The following ZNF618 variants were observed in gnomAD, a reference collection of about 807,000 sequenced individuals.
ZNF618 encodes the protein neural precursor cell expressed, developmentally down-regulated 10.
ZNF618 carries 34 observed loss-of-function variants against 103.0 expected under a neutral mutation model. The ratio of observed to expected loss-of-function variants is 0.33; its 90% confidence interval spans 0.25 to 0.44. The LOEUF (loss-of-function observed/expected upper bound fraction) is 0.44. ZNF618 is among the 20% of genes least tolerant of loss of function. The pLI, the probability that ZNF618 is intolerant of heterozygous loss-of-function variation, is 1.00. For synonymous variants in ZNF618, 551 were observed against 542.2 expected (o/e 1.02, Z -0.23); for missense variants, 1,059 against 1,295.4 (o/e 0.82, Z 2.80).
At chr9:113,969,071 C>G in intron 1 of ZNF618, 46 bp from the exon 2 acceptor site, 1 of 1,611,370 alleles carries the variant, frequency 6.2e-7, no homozygotes, top group Non-Finnish European at 8.5e-7. Flanking sequence ...GTCAAATCTG[C>G]ATCTTCTGCC....
chr9:113,999,831 G>A (rs564126415), intron 4 of ZNF618, among the ~76,000 whole-genome samples: 1 of 152,220 alleles, frequency 6.6e-6, no homozygotes, highest in African/African-American at 2.4e-5. Context: ...CATTGCTGGG[G>A]CCTCAGTGCC....
intron 1 of ZNF618, among the ~76,000 whole-genome samples, chr9:113,951,440 T>TACAC (rs760139132): frequency 0.015 from 430 of 28,986 alleles, 44 homozygotes; most frequent in Non-Finnish European, 0.02. Context: ...TGTATATATA[T>TACAC]ACATATATGT....
At chr9:113,968,954 T>G (rs1465942793) in intron 1 of ZNF618, among the ~76,000 whole-genome samples, 163 bp from the exon 2 acceptor site, 1 of 152,184 alleles carries the variant, frequency 6.6e-6, no homozygotes, top group East Asian at 1.9e-4. Context: ...CTCTTACCAC[T>G]GGGCACAAGT....
chr9:113,997,558 G>A (rs1399750859), intron 3 of ZNF618, among the ~76,000 whole-genome samples: 1 of 152,228 alleles, frequency 6.6e-6, no homozygotes, highest in Non-Finnish European at 1.5e-5. Context: ...CTGGAATTGT[G>A]AGGATGAACT....
At chr9:113,893,377 C>G (rs1033883504) in intron 1 of ZNF618, among the ~76,000 whole-genome samples, 2 of 152,120 alleles carry the variant, frequency 1.3e-5, no homozygotes, top group Non-Finnish European at 2.9e-5. Flanking sequence ...TAGTTGCATG[C>G]TAATATTTGT....
Position 114,032,635 on chromosome 9 carries a change from C to G in ZNF618, c.1085-10C>G. The G allele has an allele frequency of 6.2e-7, 1 of 1,613,624 alleles. No homozygotes were observed. The highest frequency in any genetic ancestry group is 8.5e-7 in the Non-Finnish European group (1 of 1,179,544). On this transcript the variant is annotated splice_polypyrimidine_tract_variant and intron_variant, in intron 11 of 14. Coordinates refer to ENST00000374126, the MANE Select transcript of ZNF618 (RefSeq NM_001318042.2). ...CATTGTTTTCTTTCTCTCTCCTGTC[C>G]CCCACCCAGCAGAAAGCGCTTTCAG... is the stretch of plus-strand genomic sequence containing the variant.
Position 114,049,864 on chromosome 9 carries a change from C to A in ZNF618, c.2562C>A (p.Arg854=), listed in dbSNP as rs756670552. Reference sequence around the variant, plus strand: ...TCGAGCCCGCTGCCAAGAAGCCCCGCTCTGCTGCCGTCGAGAACCCCGCAG... The same window carrying A: ...TCGAGCCCGCTGCCAAGAAGCCCCGATCTGCTGCCGTCGAGAACCCCGCAG... The part of the protein sequence containing the change: ...ADFEPAAKKP[R]SAAVENPAAQ... Residue 854 remains arginine, a synonymous_variant, in exon 15 of 15, where the codon CGC becomes CGA. Transcript: ENST00000374126. The A allele has an allele frequency of 1.2e-6, 2 of 1,613,954 alleles. No homozygotes were observed. The highest frequency in any genetic ancestry group is 2.7e-5 in the African/African-American group (2 of 75,068).
At chr9:114,004,670 T>C (rs1195268651) in intron 6 of ZNF618, among the ~76,000 whole-genome samples, 2 of 152,194 alleles carry the variant, frequency 1.3e-5, no homozygotes, top group African/African-American at 4.8e-5. Context: ...CCTGCAGCCC[T>C]GCCCTGACCC....
At chr9:113,876,440 C>T in intron 1 of ZNF618, 27 bp downstream of exon 1, 5 of 1,199,774 alleles carry the variant, frequency 4.2e-6, no homozygotes, top group East Asian at 3.4e-5. Flanking sequence ...GGGGCATGCA[C>T]CGCGCGGGGG....
Position 114,048,914 on chromosome 9 carries a change from A to T in ZNF618, c.1612A>T (p.Thr538Ser). 1 of 1,608,536 alleles carries T rather than the reference A, an allele frequency of 6.2e-7. No individual in the cohort carries two copies. The highest frequency in any genetic ancestry group is 8.5e-7 in the Non-Finnish European group (1 of 1,177,462). ...RMYNQVKVKV[T>S]CALGSNACLG... is the part of the protein sequence containing the mutation. ...GTACAACCAGGTGAAGGTGAAAGTG[A>T]CCTGTGCCTTGGGCAGCAATGCCTG... Residue 538 changes from threonine (T) to serine (S), a missense_variant, in exon 15 of 15, where the codon ACC becomes TCC. Coordinates refer to ENST00000374126, the MANE Select transcript of ZNF618 (RefSeq NM_001318042.2).
chr9:114,024,370 A>G (rs74835357), intron 10 of ZNF618, among the ~76,000 whole-genome samples: 13,525 of 152,000 alleles, frequency 0.089, 700 homozygotes, highest in African/African-American at 0.14. Flanking sequence ...TCTCTTGATT[A>G]CTGGTCACAT....
In ZNF618 at chr9:114,048,640, T is replaced by C; in HGVS notation, c.1349-11T>C. ...AGAATTAATCCCATCTGTCTTTGTGTCCTCTGCCAGCCACTACCAGTGGTT... is the reference window on the plus strand; with the variant it reads ...AGAATTAATCCCATCTGTCTTTGTGCCCTCTGCCAGCCACTACCAGTGGTT... On this transcript the variant is annotated splice_polypyrimidine_tract_variant and intron_variant, in intron 14 of 14. Transcript: ENST00000374126. The C allele has an allele frequency of 6.2e-7, 1 of 1,601,888 alleles. No homozygotes were observed. Among genetic ancestry groups the C allele is most frequent in the South Asian group, 1.1e-5 (1 of 89,526 alleles).
rs747693953 is a variant in ZNF618, at chr9:114,048,040, C to T, written c.1348+46C>T. ...CTGGACCTGAGGGTCCCCTTATGCT[C>T]CAGTTGTTCCTCTCTGCCCCCCATT... On this transcript the variant is annotated intron_variant, in intron 14 of 14. Coordinates refer to ENST00000374126, the MANE Select transcript of ZNF618 (RefSeq NM_001318042.2). 4.8e-6 allele frequency: 7 copies of T among 1,473,666 alleles called. No individual in the cohort carries two copies. In the African/African-American group the frequency reaches 9.8e-5, roughly 21 times the overall value. The allele number at this position is 1,473,666 out of a possible 1,614,324, so 91.3% of individuals were successfully genotyped here.
At chr9:113,881,173 T>G (rs1295036407) in intron 1 of ZNF618, among the ~76,000 whole-genome samples, 1 of 152,248 alleles carries the variant, frequency 6.6e-6, no homozygotes, top group Non-Finnish European at 1.5e-5. Context: ...ACTTTTAGTT[T>G]AAATTGCCAG....
intron 10 of ZNF618, among the ~76,000 whole-genome samples, chr9:114,019,179 AGTT>A (rs35345444): frequency 0.55 from 84,112 of 151,876 alleles, 25,594 homozygotes; most frequent in East Asian, 0.72. Flanking sequence ...CATATGTATC[AGTT>A]GTTCATTCTT....
intron 2 of ZNF618, among the ~76,000 whole-genome samples, chr9:113,987,906 A>AT (rs1384448475): frequency 1.0e-5 from 1 of 96,282 alleles, no homozygotes; most frequent in East Asian, 2.3e-4. Flanking sequence ...TTTTTTCAAG[A>AT]TCCCCCCCAG....
chr9:113,899,370 C>G (rs1830317302), intron 1 of ZNF618, among the ~76,000 whole-genome samples: 1 of 152,150 alleles, frequency 6.6e-6, no homozygotes, highest in Non-Finnish European at 1.5e-5. Context: ...CAGGGGTCCC[C>G]AGCCTCCAGG....
intron 9 of ZNF618, among the ~76,000 whole-genome samples, chr9:114,010,538 C>T (rs1842146420): frequency 6.6e-6 from 1 of 151,782 alleles, no homozygotes; most frequent in Non-Finnish European, 1.5e-5. Flanking sequence ...AACCCCATCT[C>T]CACTAAAATA....
chr9:114,030,605 G>C (rs1224631659), intron 11 of ZNF618, among the ~76,000 whole-genome samples: 1 of 152,200 alleles, frequency 6.6e-6, no homozygotes, highest in Non-Finnish European at 1.5e-5. Context: ...GTGGGTAGGG[G>C]TCACCTCTGG....
Sources: allele counts gnomAD v4.1 joint callset (sites outside exome capture counted in the v4.1 genomes callset), GRCh38; gene constraint gnomAD v4.1.1; transcripts MANE v1.5; gene names NCBI Gene and HGNC (gene_info 2026-07-23, HGNC 2026-07-21).